THRB: variants seen among roughly 807,000 people sequenced by gnomAD.
The protein encoded by THRB is nuclear receptor subfamily 1 group A member 2.
A neutral mutation model predicts 47.8 loss-of-function variants in THRB; 12 were observed. The observed-to-expected ratio is 0.25, with a 90% CI of 0.16 to 0.41. The LOEUF (loss-of-function observed/expected upper bound fraction) is 0.41. THRB is among the 10% of genes least tolerant of loss of function. The probability of loss-of-function intolerance (pLI) is 1.00; values close to 1 mark genes in which losing one functional copy is unlikely to be tolerated. For synonymous variants in THRB, 218 were observed against 212.2 expected, an observed-to-expected ratio of 1.03 and a Z score of -0.24; for missense variants, 348 against 589.2, an observed-to-expected ratio of 0.59 and a Z score of 4.24.
intron 1 of THRB, among the ~76,000 whole-genome samples, chr3:24,435,394 C>T (rs2125328714): frequency 6.6e-6 from 1 of 152,218 alleles, no homozygotes; most frequent in Admixed American, 6.5e-5. Flanking sequence ...AAAGCAGATG[C>T]GGAAAGATGG....
intron 5 of THRB, chr3:24,165,100 G>A: frequency 1.3e-6 from 1 of 765,008 alleles, no homozygotes; most frequent in Non-Finnish European, 2.4e-6. Context: ...ATTCAGGTTG[G>A]CTGTATTGAT....
intron 6 of THRB, among the ~76,000 whole-genome samples, chr3:24,151,534 A>G (rs1433853333): frequency 6.6e-6 from 1 of 152,260 alleles, no homozygotes; most frequent in Non-Finnish European, 1.5e-5. Context: ...ACAAGTAAAC[A>G]ATTTTAAAAG....
chr3:24,461,550 T>C (rs968687699), intron 1 of THRB, among the ~76,000 whole-genome samples: 2 of 152,228 alleles, frequency 1.3e-5, no homozygotes, highest in African/African-American at 2.4e-5. Context: ...AAAATAGAGA[T>C]GTGGCTAATT....
intron 4 of THRB, among the ~76,000 whole-genome samples, chr3:24,200,085 G>C (rs965182515): frequency 6.6e-6 from 1 of 152,164 alleles, no homozygotes; most frequent in Admixed American, 6.5e-5. Context: ...AAAGGCCACA[G>C]AGATTCCATT....
intron 5 of THRB, among the ~76,000 whole-genome samples, chr3:24,187,486 G>A (rs844103): frequency 2.6e-5 from 4 of 152,018 alleles, no homozygotes; most frequent in Admixed American, 6.5e-5. Flanking sequence ...TATTTTGTTC[G>A]TATCATTTCT....
chr3:24,158,619 G>C (rs1356264596), intron 5 of THRB, among the ~76,000 whole-genome samples: 1 of 152,034 alleles, frequency 6.6e-6, no homozygotes, highest in Non-Finnish European at 1.5e-5. Context: ...TAGTAGAGAC[G>C]GGGTTTTGTC....
In THRB at chr3:24,393,537, T is replaced by C. The variant is rs116015752; in HGVS notation, c.-260-56166A>G. On this transcript the variant is annotated intron_variant, in intron 1 of 10. Transcript: ENST00000646209. ...GTCAGGGCACAGACCAAGGTCACAA[T>C]ACATTCCATTGCTTAACCTAACCAA... Among the ~76,000 whole-genome samples the C allele has an allele frequency of 3.5e-3, 529 of 152,240 alleles. 4 individuals are homozygous for C. The highest frequency in any genetic ancestry group is 0.012 in the African/African-American group (506 of 41,562).
chr3:24,399,953 C>T (rs2067267562), intron 1 of THRB, among the ~76,000 whole-genome samples: 1 of 152,144 alleles, frequency 6.6e-6, no homozygotes, highest in South Asian at 2.1e-4. Context: ...TTTCTCTCAA[C>T]TCTTCTGCTC....
chr3:24,249,189 T>A lies in THRB; in HGVS notation c.-42-20188A>T, dbSNP rs9863517. Among the ~76,000 whole-genome samples the A allele has an allele frequency of 2.6e-5, 4 of 152,232 alleles. No homozygotes were observed. The East Asian group carries it at 5.8e-4, about 22-fold the overall frequency. ...AATCCAAAGGATAGTAGAGTAGAAG[T>A]CTTCAAAGGATCAAACTTTTAAAAA... On this transcript the variant is annotated intron_variant, in intron 3 of 10. Transcript: ENST00000646209.
chr3:24,173,144 G>C lies in THRB; in HGVS notation c.283+16930C>G, dbSNP rs73037609. Among the ~76,000 whole-genome samples the C allele has an allele frequency of 8.7e-3, 1,319 of 152,224 alleles. 18 individuals are homozygous for C. The highest frequency in any genetic ancestry group is 0.012 in the Non-Finnish European group (787 of 67,998). On this transcript the variant is annotated intron_variant, in intron 5 of 10. Transcript: ENST00000646209. ...AGACCAACTGGATCGTAAACTCTGGGGGGTGGGGACAGCAAGCCCTCCAGG... is the reference window on the plus strand; with the variant it reads ...AGACCAACTGGATCGTAAACTCTGGCGGGTGGGGACAGCAAGCCCTCCAGG...
chr3:24,252,349 C>T (rs1468334346), intron 3 of THRB, among the ~76,000 whole-genome samples: 1 of 151,510 alleles, frequency 6.6e-6, no homozygotes, highest in Non-Finnish European at 1.5e-5. Flanking sequence ...TGGAAATTTA[C>T]AATATAATAA....
At chr3:24,214,211 G>T (rs1559623337) in intron 4 of THRB, among the ~76,000 whole-genome samples, 1 of 152,190 alleles carries the variant, frequency 6.6e-6, no homozygotes, top group Non-Finnish European at 1.5e-5. Context: ...GTGGCATTAG[G>T]GGTCAGCAAT....
chr3:24,292,025 T>C (rs965111423), intron 3 of THRB, among the ~76,000 whole-genome samples: 4 of 152,180 alleles, frequency 2.6e-5, no homozygotes, highest in African/African-American at 4.8e-5. Context: ...AATCATTCAA[T>C]GGACTAATAT....
At chr3:24,216,227 T>C (rs1001521271) in intron 4 of THRB, among the ~76,000 whole-genome samples, 1 of 152,220 alleles carries the variant, frequency 6.6e-6, no homozygotes, top group Admixed American at 6.5e-5. Context: ...GTTAATGGGC[T>C]TTGTTTCTCC....
At chr3:24,319,498 A>G (rs1450435429) in intron 2 of THRB, among the ~76,000 whole-genome samples, 1 of 152,248 alleles carries the variant, frequency 6.6e-6, no homozygotes, top group South Asian at 2.1e-4. Flanking sequence ...TATGTAAAAG[A>G]AGTTCAAGAA....
intron 5 of THRB, among the ~76,000 whole-genome samples, chr3:24,159,088 T>C (rs1482981151): frequency 6.6e-6 from 1 of 152,242 alleles, no homozygotes; most frequent in Non-Finnish European, 1.5e-5. Flanking sequence ...CCCACAGTTA[T>C]GTCATATCCT....
intron 3 of THRB, among the ~76,000 whole-genome samples, chr3:24,288,760 G>C (rs1270520642): frequency 1.3e-5 from 2 of 152,138 alleles, no homozygotes. Flanking sequence ...CAATTTAGTG[G>C]GTAGCAAGCA....
At chr3:24,284,566 C>T (rs1201095926) in intron 3 of THRB, among the ~76,000 whole-genome samples, 12 of 151,260 alleles carry the variant, frequency 7.9e-5, no homozygotes, top group African/African-American at 2.2e-4. Context: ...TCAACAAAAG[C>T]CAAAATTGAC....
intron 2 of THRB, among the ~76,000 whole-genome samples, chr3:24,299,116 C>T (rs553708232): frequency 1.6e-3 from 239 of 151,518 alleles, no homozygotes; most frequent in African/African-American, 5.3e-3. Context: ...GGCGTGGTGG[C>T]GGGCGCCTGT....
Sources: gnomAD v4.1 joint callset for allele counts (sites outside exome capture counted in the v4.1 genomes callset) on GRCh38, gnomAD v4.1.1 for gene constraint, MANE v1.5 for transcripts, NCBI Gene and HGNC (gene_info 2026-07-23, HGNC 2026-07-21) for gene names.